CNOT4: variants seen among roughly 807,000 people sequenced by gnomAD.
The protein encoded by CNOT4 is CCR4-associated factor 4.
A neutral mutation model predicts 73.8 loss-of-function variants in CNOT4; 8 were observed. The ratio of observed to expected loss-of-function variants is 0.11; its 90% CI spans 0.06 to 0.20. The LOEUF (loss-of-function observed/expected upper bound fraction) is 0.20, where lower values mean the gene tolerates loss of function less well. Ranked by LOEUF, CNOT4 falls within the 10% of genes least tolerant of loss-of-function variation. CNOT4 has a pLI of 1.00. For synonymous variants in CNOT4, 293 were observed against 321.1 expected (o/e 0.91, Z 0.94); for missense variants, 564 against 883.4 (o/e 0.64, Z 4.58).
chr7:135,399,736 G>A (rs1193702089), intron 7 of CNOT4, among the ~76,000 whole-genome samples: 1 of 152,040 alleles, frequency 6.6e-6, no homozygotes, highest in Non-Finnish European at 1.5e-5. Context: ...TGCAGACATT[G>A]CCAGATGTTC....
At chr7:135,416,873 C>T (rs923802908) in intron 3 of CNOT4, among the ~76,000 whole-genome samples, 5 of 152,146 alleles carry the variant, frequency 3.3e-5, no homozygotes, top group Admixed American at 1.3e-4. Flanking sequence ...CTCAGGCTAG[C>T]CCCGTACAAC....
chr7:135,442,533 A>T (rs1482082031), intron 1 of CNOT4, among the ~76,000 whole-genome samples: 1 of 152,226 alleles, frequency 6.6e-6, no homozygotes, highest in Non-Finnish European at 1.5e-5. Context: ...CAGGAGGCGG[A>T]GGTTGCAGTG....
chr7:135,438,466 A>G (rs1401180413), intron 1 of CNOT4, 43 bp from the exon 2 acceptor site: 3 of 599,080 alleles, frequency 5.0e-6, no homozygotes, highest in Non-Finnish European at 7.8e-6. Flanking sequence ...TACTGGAAAA[A>G]TGGCACAGTC....
At chr7:135,419,318 TACA>T (rs1798046470) in intron 3 of CNOT4, among the ~76,000 whole-genome samples, 1 of 152,188 alleles carries the variant, frequency 6.6e-6, no homozygotes, top group Non-Finnish European at 1.5e-5. Context: ...ATAAGTAAAT[TACA>T]AGGATCCTTC....
chr7:135,466,097 A>T (rs1411625434), intron 1 of CNOT4, among the ~76,000 whole-genome samples: 3 of 128,634 alleles, frequency 2.3e-5, no homozygotes, highest in Admixed American at 7.8e-5. Context: ...TAGCTTACAG[A>T]GTAACACTAT....
rs182567846 is a variant in CNOT4 at position 135,487,548 on chromosome 7, C to T, written c.-93+22341G>A. Among the ~76,000 whole-genome samples, 31 of 152,056 alleles carry T rather than the reference C, an allele frequency of 2.0e-4. 1 individual carries two copies. The highest frequency in any genetic ancestry group is 7.4e-5 in the Non-Finnish European group (5 of 67,994). ...AGTCACCACACCAGGTCTAATTTTC[C>T]GTACCTAAGCAGGTATTATGGACTC... is the stretch of plus-strand genomic sequence containing the variant. On this transcript the variant is annotated intron_variant, in intron 1 of 11. Coordinates refer to ENST00000541284, the MANE Select transcript of CNOT4 (RefSeq NM_001190850.2).
intron 10 of CNOT4, among the ~76,000 whole-genome samples, chr7:135,381,059 C>T (rs1165203638): frequency 1.3e-5 from 2 of 152,032 alleles, no homozygotes; most frequent in Admixed American, 6.5e-5. Flanking sequence ...GTATTACAAC[C>T]TTATTGCATT....
intron 1 of CNOT4, among the ~76,000 whole-genome samples, chr7:135,497,606 C>T (rs1183029327): frequency 1.3e-5 from 2 of 152,146 alleles, no homozygotes; most frequent in African/African-American, 4.8e-5. Context: ...ACTATCTTCC[C>T]CTAAATACTA....
At chr7:135,415,501 G>GATAAATTT (rs1797819480) in intron 3 of CNOT4, among the ~76,000 whole-genome samples, 3 of 151,868 alleles carry the variant, frequency 2.0e-5, no homozygotes, top group African/African-American at 7.3e-5. Context: ...CACTAAATTT[G>GATAAATTT]GTATTATCTA....
chr7:135,462,115 G>GA (rs1351843716), intron 1 of CNOT4, among the ~76,000 whole-genome samples: 1 of 144,310 alleles, frequency 6.9e-6, no homozygotes, highest in South Asian at 2.1e-4. Context: ...GAAAAAAGGT[G>GA]AAAAAAAAGG....
intron 7 of CNOT4, among the ~76,000 whole-genome samples, chr7:135,405,677 CCT>C (rs531339726): frequency 6.6e-6 from 1 of 152,012 alleles, no homozygotes; most frequent in Non-Finnish European, 1.5e-5. Context: ...ATGACAAATT[CCT>C]TTTTTAGAAT....
intron 1 of CNOT4, among the ~76,000 whole-genome samples, chr7:135,495,669 C>CA (rs1198174318): frequency 1.6e-4 from 5 of 31,876 alleles, no homozygotes; most frequent in Non-Finnish European, 2.8e-4. Context: ...GACCCTGTGT[C>CA]AAAAAAAAAA....
At chr7:135,452,359 C>T (rs1800227385) in intron 1 of CNOT4, among the ~76,000 whole-genome samples, 2 of 151,658 alleles carry the variant, frequency 1.3e-5, no homozygotes, top group Non-Finnish European at 2.9e-5. Flanking sequence ...CACCTGAGGT[C>T]AGGAGTTCGA....
intron 2 of CNOT4, among the ~76,000 whole-genome samples, chr7:135,422,645 A>G (rs1373780188): frequency 1.3e-5 from 2 of 152,196 alleles, no homozygotes; most frequent in Non-Finnish European, 2.9e-5. Flanking sequence ...GCAGTGTCCA[A>G]CAGAGTTTAT....
chr7:135,439,663 C>T (rs1377274447), intron 1 of CNOT4, among the ~76,000 whole-genome samples: 1 of 152,122 alleles, frequency 6.6e-6, no homozygotes, highest in African/African-American at 2.4e-5. Flanking sequence ...ACTGTAGTCC[C>T]AGCTACTTGG....
Position 135,415,414 on chromosome 7 carries a change from G to C in CNOT4, c.373-152C>G. On this transcript the variant is annotated intron_variant, in intron 3 of 11. Transcript: ENST00000541284. The stretch of plus-strand genomic sequence containing the variant: ...TGTCACTACCTCCTAATTGCAGTTT[G>C]TGTAGCTAACCTATAGGAAATCAAA... 1.8e-5 allele frequency: 10 copies of C among 561,606 alleles called. 1 individual carries two copies. The South Asian group carries it at 2.3e-4, about 13-fold the overall frequency. The allele number at this position is 561,606 out of a possible 1,614,324, so 34.8% of individuals were successfully genotyped here.
At chr7:135,501,350 T>C (rs1438629727) in intron 1 of CNOT4, among the ~76,000 whole-genome samples, 3 of 152,150 alleles carry the variant, frequency 2.0e-5, no homozygotes, top group Admixed American at 6.5e-5. Context: ...AAGCTGGGCT[T>C]GGATAACAAA....
intron 1 of CNOT4, among the ~76,000 whole-genome samples, chr7:135,503,284 G>A (rs1215997561): frequency 1.3e-5 from 2 of 152,034 alleles, no homozygotes; most frequent in African/African-American, 4.8e-5. Flanking sequence ...GGGCAACAGG[G>A]TGAGCCCCCA....
intron 1 of CNOT4, among the ~76,000 whole-genome samples, chr7:135,496,085 A>G (rs1055329882): frequency 6.6e-6 from 1 of 151,968 alleles, no homozygotes; most frequent in Non-Finnish European, 1.5e-5. Context: ...TCTTGACTAA[A>G]TAGTTTTTGT....
Sources: allele counts gnomAD v4.1 joint callset (sites outside exome capture counted in the v4.1 genomes callset), GRCh38; gene constraint gnomAD v4.1.1; transcripts MANE v1.5; gene names NCBI Gene and HGNC (gene_info 2026-07-23, HGNC 2026-07-21).